TEP1: variants seen among roughly 807,000 people sequenced by gnomAD.
TEP1 encodes telomerase associated protein 1, also known as telomerase protein component 1.
A neutral mutation model predicts 306.3 loss-of-function variants in TEP1; 241 were observed. That is an observed-to-expected ratio of 0.79 (90% confidence interval 0.71 to 0.88). The LOEUF (loss-of-function observed/expected upper bound fraction) is 0.88. Ranked by LOEUF, TEP1 falls within the 40% of genes least tolerant of loss-of-function variation. TEP1 has a pLI of 0.00. For missense variants in TEP1, 3,051 were observed against 3,276.1 expected, an observed-to-expected ratio of 0.93 and a Z score of 1.68; for synonymous variants, 1,289 against 1,305.5, an observed-to-expected ratio of 0.99 and a Z score of 0.27.
Position 20,407,930 on chromosome 14 carries a change from G to A in TEP1, c.510C>T (p.Thr170=). The change falls in exon 2 of 55, where the codon ACC becomes ACT. Residue 170 remains threonine (T), a synonymous_variant. Transcript: ENST00000262715. ...AGATGGATTTCAGGGCTATAGGGCA[G>A]GTTGAAAGGTCTAGTCCCTTAGAGA... ...QHFSKGLDLS[T]CPIALKSISA... The A allele has an allele frequency of 6.2e-7, 1 of 1,613,732 alleles. No individual in the cohort carries two copies.
At chr14:20,407,047 G>A (rs1879230076) in intron 2 of TEP1, among the ~76,000 whole-genome samples, 1 of 152,248 alleles carries the variant, frequency 6.6e-6, no homozygotes, top group Non-Finnish European at 1.5e-5. Flanking sequence ...AGACAGAAGA[G>A]GGTTCAGATT....
chr14:20,381,283 G>C lies in TEP1; in HGVS notation c.4647+30C>G. On this transcript the variant is annotated intron_variant, in intron 32 of 54. Coordinates refer to ENST00000262715, the MANE Select transcript of TEP1 (RefSeq NM_007110.5). This position sits in a 1 kb window ranked among gnomAD's most constrained non-coding sequence, Gnocchi z 4.0. ...AGAGCAACCAAAGCACTCACTTTGG[G>C]AAAGGTGTCTATGGGGTCTAGGAAC... The C allele has an allele frequency of 6.2e-7, 1 of 1,606,112 alleles. No individual in the cohort carries two copies. The highest frequency in any genetic ancestry group is 1.7e-4 in the Middle Eastern group (1 of 6,044).
At chr14:20,392,699 T>C (rs539926260) in intron 12 of TEP1, among the ~76,000 whole-genome samples, 6 of 152,252 alleles carry the variant, frequency 3.9e-5, no homozygotes, top group Non-Finnish European at 5.9e-5. Flanking sequence ...AAATGATATT[T>C]TTAAACAATT....
chr14:20,370,302 A>G (rs968951038), intron 51 of TEP1, among the ~76,000 whole-genome samples: 1 of 152,232 alleles, frequency 6.6e-6, no homozygotes, highest in African/African-American at 2.4e-5. Flanking sequence ...GATGTAGAGC[A>G]TTTCCATCAC....
chr14:20,393,273 A>C (rs908982380), intron 12 of TEP1, among the ~76,000 whole-genome samples: 4 of 152,098 alleles, frequency 2.6e-5, no homozygotes, highest in Non-Finnish European at 4.4e-5. Context: ...TAATCACTGA[A>C]TCTGATAGTT....
In TEP1 at chr14:20,368,458, C is replaced by G; in HGVS notation, c.7863G>C (p.Val2621=). 2 of 1,614,132 alleles carry G rather than the reference C, an allele frequency of 1.2e-6. No individual in the cohort carries two copies. Among genetic ancestry groups the G allele is most frequent in the South Asian group, 1.1e-5 (1 of 91,088 alleles). Residue 2621 remains valine, a synonymous_variant, in exon 55 of 55, where the codon GTG becomes GTC. Transcript: ENST00000262715. Reference sequence around the variant, plus strand: ...ATCTTCATTCCCAATTCAGAAAGTACACATTGCCCTGCACGTCTCCCACGG... The same window carrying G: ...ATCTTCATTCCCAATTCAGAAAGTAGACATTGCCCTGCACGTCTCCCACGG... ...QLAVGDVQGN[V]YFLNWE
At position 20,376,175 on chromosome 14, in the gene TEP1, G is replaced by T. The variant is rs751448029; in HGVS notation, c.6178C>A (p.His2060Asn). The T allele has an allele frequency of 6.2e-7, 1 of 1,614,108 alleles. No individual in the cohort carries two copies. Among genetic ancestry groups the T allele is most frequent in the Non-Finnish European group, 8.5e-7 (1 of 1,180,058 alleles). The change falls in exon 42 of 55, where the codon CAT becomes AAT. Residue 2060 changes from histidine to asparagine, a missense_variant. Coordinates refer to ENST00000262715, the MANE Select transcript of TEP1 (RefSeq NM_007110.5). ...CTACAGCAGCTCACAGGGCCCTCAT[G>T]TCCCCGCAGCTCAGTGCCACAGGGA... is the stretch of plus-strand genomic sequence containing the variant. ...DFPCGTELRG[H>N]EGPVSCCSFS...
chr14:20,392,553 T>C (rs1877814780), intron 12 of TEP1, among the ~76,000 whole-genome samples: 1 of 152,226 alleles, frequency 6.6e-6, no homozygotes, highest in African/African-American at 2.4e-5. Context: ...GGGATATTCT[T>C]TGGGGTCCCT....
At position 20,381,631 on chromosome 14, in the gene TEP1, C is replaced by G. The variant is rs777387656; in HGVS notation, c.4480G>C (p.Gly1494Arg). The G allele has an allele frequency of 6.2e-7, 1 of 1,613,914 alleles. No homozygotes were observed. The highest frequency in any genetic ancestry group is 1.7e-5 in the Admixed American group (1 of 59,974). Residue 1494 changes from glycine to arginine, a missense_variant, in exon 31 of 55, where the codon GGG (glycine) becomes CGG (arginine). Coordinates refer to ENST00000262715, the MANE Select transcript of TEP1 (RefSeq NM_007110.5). This position sits in a 1 kb window ranked among gnomAD's most constrained non-coding sequence, Gnocchi z 4.0. ...RPGARLCLPD[G>R]PLRTAAKRCY... ...CGTTTAGCTGCTGTTCTCAGGGGCC[C>G]ATCAGGGAGGCACAGCCGGGCACCA... is the stretch of plus-strand genomic sequence containing the variant.
chr14:20,412,680 CTTTTTT>C (rs10717377), intron 1 of TEP1, among the ~76,000 whole-genome samples: 4 of 105,398 alleles, frequency 3.8e-5, no homozygotes, highest in Non-Finnish European at 7.6e-5. Flanking sequence ...TCACTCTTTC[CTTTTTT>C]TTTTTTTTTT....
Position 20,372,773 on chromosome 14 carries a change from G to C in TEP1, c.7036C>G (p.Gln2346Glu). The C allele has an allele frequency of 6.2e-7, 1 of 1,614,074 alleles. No homozygotes were observed. Among genetic ancestry groups the C allele is most frequent in the Non-Finnish European group, 8.5e-7 (1 of 1,180,026 alleles). ...LSADEKISEW[Q>E]VKLRKGSAPG... Reference sequence around the variant, plus strand: ...GCCGAACCCTTCCGCAGTTTCACTTGCCACTCGCTGATTTTCTCATCAGCA... The same window carrying C: ...GCCGAACCCTTCCGCAGTTTCACTTCCCACTCGCTGATTTTCTCATCAGCA... Residue 2346 changes from glutamine to glutamate, a missense_variant, in exon 49 of 55, where the codon CAA becomes GAA. Gln to Glu is a conservative substitution (Grantham distance 29, BLOSUM62 2). Around this residue, in one of 3 missense-constraint regions of TEP1, gnomAD observed 1,540 missense variants for 1,705.9 expected, o/e 0.90. Coordinates refer to ENST00000262715, the MANE Select transcript of TEP1 (RefSeq NM_007110.5).
In TEP1 at chr14:20,381,789, G is replaced by A; in HGVS notation, c.4425-103C>T. ...TTCCCCCCTCAAATAGCGGAAACTG[G>A]AGCAGCTGGAGCAGTAGCTCATTCA... On this transcript the variant is annotated intron_variant, in intron 30 of 54. Coordinates refer to ENST00000262715, the MANE Select transcript of TEP1 (RefSeq NM_007110.5). The surrounding 1 kb of genome is among the most constrained non-coding windows in gnomAD (Gnocchi z 4.0). 1 of 1,530,974 alleles carries A rather than the reference G, an allele frequency of 6.5e-7. No homozygotes were observed. The highest frequency in any genetic ancestry group is 8.8e-7 in the Non-Finnish European group (1 of 1,142,236). The allele number at this position is 1,530,974 out of a possible 1,614,324, so 94.8% of individuals were successfully genotyped here.
rs111904261 is a variant in TEP1, at chr14:20,395,633, T to C, written c.1751-6A>G. 731 of 1,589,638 alleles carry C rather than the reference T, an allele frequency of 4.6e-4. 2 individuals are homozygous for C. The African/African-American group carries it at 8.8e-3, about 19-fold the overall frequency. On this transcript the variant is annotated splice_region_variant and splice_polypyrimidine_tract_variant and intron_variant, in intron 11 of 54. Transcript: ENST00000262715. The stretch of plus-strand genomic sequence containing the variant: ...ATTCGAAGGAAAGGGCAATGCTGTA[T>C]GATGACAGGTAAATTTCCGAGTTAG...
In TEP1 at chr14:20,404,789, G is replaced by C; in HGVS notation, c.871-17C>G. 2.5e-6 allele frequency: 4 copies of C among 1,590,056 alleles called. No homozygotes were observed. The highest frequency in any genetic ancestry group is 1.7e-4 in the Middle Eastern group (1 of 5,868). ...CAAAGATGCCTAGGACACAGGGTGA[G>C]AGGACTAGAATCTCAGTCACTCCTC... On this transcript the variant is annotated splice_polypyrimidine_tract_variant and intron_variant, in intron 4 of 54. Transcript: ENST00000262715.
At chr14:20,379,432 C>A (rs895005859) in intron 35 of TEP1, among the ~76,000 whole-genome samples, 15 of 152,228 alleles carry the variant, frequency 9.9e-5, no homozygotes, top group Non-Finnish European at 1.8e-4. Context: ...CCTCTCCAGC[C>A]TAATGTACTA....
chr14:20,368,848 C>T lies in TEP1; in HGVS notation c.7711G>A (p.Ala2571Thr). ...LHVLPELLVT[A>T]SKDRDVKLWE... ...AGCTTAACATCTCTGTCCTTCGAAG[C>T]TGTCACCAGCAACTCAGGTAGCACA... Residue 2571 changes from alanine (A) to threonine (T), a missense_variant, in exon 54 of 55, where the codon GCT becomes ACT. Physicochemically the swap from Ala to Thr is moderately conservative, Grantham distance 58 (BLOSUM62 0). Coordinates refer to ENST00000262715, the MANE Select transcript of TEP1 (RefSeq NM_007110.5). 1.4e-5 allele frequency: 22 copies of T among 1,613,866 alleles called. No individual in the cohort carries two copies. Among genetic ancestry groups the T allele is most frequent in the Non-Finnish European group, 1.9e-5 (22 of 1,180,018 alleles).
chr14:20,398,713 C>G (rs1402251098), intron 9 of TEP1, among the ~76,000 whole-genome samples: 1 of 152,068 alleles, frequency 6.6e-6, no homozygotes, highest in African/African-American at 2.4e-5. Context: ...TTTTCCTGGA[C>G]AGAGGTGCAT....
intron 1 of TEP1, 76 bp from the exon 2 acceptor site, chr14:20,408,539 A>C: frequency 8.7e-7 from 1 of 1,149,584 alleles, no homozygotes; most frequent in Non-Finnish European, 1.2e-6. Context: ...TATCTTCCCC[A>C]CAGCCCTCCT....
intron 20 of TEP1, 148 bp from the exon 21 acceptor site, chr14:20,385,257 GTTT>G: frequency 1.1e-6 from 1 of 951,498 alleles, no homozygotes; most frequent in East Asian, 2.8e-5. Flanking sequence ...AATAGCTAAT[GTTT>G]TTTATTTATT....
Sources: allele counts gnomAD v4.1 joint callset (sites outside exome capture counted in the v4.1 genomes callset), GRCh38; gene constraint gnomAD v4.1.1; regional missense constraint gnomAD v4.1.1; non-coding constraint Gnocchi (gnomAD v3.1); transcripts MANE v1.5; gene names NCBI Gene and HGNC (gene_info 2026-07-23, HGNC 2026-07-21).